The following METTL6 variants were observed in gnomAD, a reference collection of about 807,000 sequenced individuals.
The protein encoded by METTL6 is methyltransferase 6, tRNA N3-cytidine.
A neutral mutation model predicts 26.4 loss-of-function variants in METTL6; 22 were observed. The observed-to-expected ratio is 0.83, with a 90% CI of 0.59 to 1.19. METTL6 has a LOEUF of 1.19. Ranked by LOEUF, METTL6 falls within the 50% of genes most tolerant of loss-of-function variation. The pLI is 0.00. For missense variants in METTL6, 304 were observed against 324.8 expected (o/e 0.94, Z 0.49); for synonymous variants, 109 against 116.2 (o/e 0.94, Z 0.40).
At chr3:15,387,482 G>T (rs772058544) in intron 6 of METTL6, among the ~76,000 whole-genome samples, 4 of 152,200 alleles carry the variant, frequency 2.6e-5, no homozygotes, top group Non-Finnish European at 5.9e-5. Context: ...ATTTTACCCA[G>T]CTCCTATTCA....
At chr3:15,392,390 A>C (rs1386818068) in intron 6 of METTL6, among the ~76,000 whole-genome samples, 12 of 151,806 alleles carry the variant, frequency 7.9e-5, no homozygotes, top group Admixed American at 2.0e-4. Context: ...TAGATTCTGG[A>C]TATTAGCCCT....
At chr3:15,401,694 A>G (rs879685929) in intron 6 of METTL6, among the ~76,000 whole-genome samples, 1 of 152,182 alleles carries the variant, frequency 6.6e-6, no homozygotes, top group Non-Finnish European at 1.5e-5. Flanking sequence ...CTCAAAATAC[A>G]CTAATTATAA....
In METTL6 at chr3:15,410,699, C is replaced by T. The variant is rs1468908999; in HGVS notation, c.*557G>A. Among the ~76,000 whole-genome samples the T allele has an allele frequency of 2.0e-5, 3 of 151,998 alleles. No individual in the cohort carries two copies. The highest frequency in any genetic ancestry group is 6.6e-5 in the Admixed American group (1 of 15,256). ...CCATGGATAAAGCGGGACTACTGTA[C>T]ATGCTCATTAAAAAAAATTAAGGGC... On this transcript the variant is annotated 3_prime_UTR_variant, in exon 6 of 6. Transcript: ENST00000383790.
intron 4 of METTL6, chr3:15,414,891 C>T (rs1234284705): frequency 3.0e-6 from 3 of 1,013,340 alleles, no homozygotes; most frequent in Non-Finnish European, 4.0e-6. Context: ...CACTGCACTC[C>T]AGCCTGAGTG....
chr3:15,384,447 T>C (rs78206791), intron 6 of METTL6: 2 of 168,854 alleles, frequency 1.2e-5, no homozygotes, highest in African/African-American at 2.4e-5. Context: ...AATTAAATAT[T>C]AATGGACAAG....
At chr3:15,426,140 C>A (rs1398374317) in intron 2 of METTL6, 147 bp downstream of exon 2, 9 of 706,240 alleles carry the variant, frequency 1.3e-5, no homozygotes, top group East Asian at 2.7e-5. Flanking sequence ...GGGGTTTCAT[C>A]ATGTTGGCCA....
At chr3:15,414,195 G>C (rs763991767) in intron 4 of METTL6, 33 bp from the exon 5 acceptor site, 1 of 1,583,434 alleles carries the variant, frequency 6.3e-7, no homozygotes, top group Non-Finnish European at 8.6e-7. Flanking sequence ...ACATGACTTT[G>C]GAGAACCCTG....
chr3:15,382,076 G>A (rs1699094037), exon 7 of METTL6: 4 of 150,678 alleles, frequency 2.7e-5, no homozygotes, highest in Admixed American at 2.6e-4. Context: ...TAAGAGTCGG[G>A]GTCTCACTCT....
exon 7 of METTL6, chr3:15,383,227 C>T (rs985178006): frequency 5.3e-5 from 8 of 152,190 alleles, no homozygotes; most frequent in African/African-American, 1.7e-4. Flanking sequence ...AAGGGATCCA[C>T]CAAGGAAAAC....
At chr3:15,406,647 G>GAA (rs1699809038), downstream of METTL6, among the ~76,000 whole-genome samples, 1 of 141,538 alleles carries the variant, frequency 7.1e-6, no homozygotes. Flanking sequence ...GAGAGAGAGA[G>GAA]AGAGAGAGAG....
chr3:15,402,665 C>T (rs571869659), intron 6 of METTL6, among the ~76,000 whole-genome samples: 5 of 143,974 alleles, frequency 3.5e-5, no homozygotes, highest in Admixed American at 7.3e-5. Flanking sequence ...ACCGAGGAGG[C>T]GGAGGTTGCA....
chr3:15,388,882 C>T (rs1699266550), intron 6 of METTL6, among the ~76,000 whole-genome samples: 1 of 152,192 alleles, frequency 6.6e-6, no homozygotes, highest in South Asian at 2.1e-4. Context: ...TGAACAAATA[C>T]AGCTCGGAGG....
intron 5 of METTL6, 65 bp from the exon 6 acceptor site, chr3:15,411,502 G>A (rs1193939919): frequency 6.7e-7 from 1 of 1,488,968 alleles, no homozygotes; most frequent in Non-Finnish European, 9.1e-7. Flanking sequence ...TGCAGTCCTT[G>A]AGGAGGGATA....
intron 6 of METTL6, among the ~76,000 whole-genome samples, chr3:15,389,216 A>G (rs1226642196): frequency 1.3e-5 from 2 of 151,346 alleles, no homozygotes; most frequent in African/African-American, 4.9e-5. Context: ...CTGGTCTCGA[A>G]CTCCTGCCCT....
intron 3 of METTL6, among the ~76,000 whole-genome samples, chr3:15,419,388 A>T (rs2061559708): frequency 6.6e-6 from 1 of 152,224 alleles, no homozygotes; most frequent in Non-Finnish European, 1.5e-5. Flanking sequence ...TTCACTGTTT[A>T]ACTCCAGTGC....
At chr3:15,407,379 T>C (rs1382545409), downstream of METTL6, among the ~76,000 whole-genome samples, 1 of 152,180 alleles carries the variant, frequency 6.6e-6, no homozygotes, top group Non-Finnish European at 1.5e-5. Flanking sequence ...GGTTAGAATT[T>C]GGGGCATAAT....
rs751464134 is a variant in METTL6, at chr3:15,426,291, C to T, written c.221G>A (p.Arg74Lys). Residue 74 changes from arginine to lysine, a missense_variant, in exon 2 of 6, where the codon AGA becomes AAA. Physicochemically the swap from Arg to Lys is conservative, Grantham distance 26. Transcript: ENST00000383790. ...TREFEELRSC[R>K]EFEDQKLTML... ...TAAGGCGTAATATTAGCTTACCTCTCTACATGATCTTAGCTCCTCAAACTC... is the reference window on the plus strand; with the variant it reads ...TAAGGCGTAATATTAGCTTACCTCTTTACATGATCTTAGCTCCTCAAACTC... 6.2e-7 allele frequency: 1 copy of T among 1,613,498 alleles called. No homozygotes were observed. Among genetic ancestry groups the T allele is most frequent in the African/African-American group, 1.3e-5 (1 of 75,024 alleles).
At chr3:15,422,538 T>G (rs1196166579) in intron 3 of METTL6, among the ~76,000 whole-genome samples, 3 of 151,818 alleles carry the variant, frequency 2.0e-5, no homozygotes, top group Non-Finnish European at 4.4e-5. Flanking sequence ...GGCAGGAGGA[T>G]CATTTCAGCT....
At position 15,415,760 on chromosome 3, in the gene METTL6, C is replaced by G; in HGVS notation, c.531+12G>C. The G allele has an allele frequency of 6.2e-7, 1 of 1,612,134 alleles. No homozygotes were observed. Among genetic ancestry groups the G allele is most frequent in the Non-Finnish European group, 8.5e-7 (1 of 1,179,034 alleles). ...CTGTCCAACCCTCAAGTGCAGGCCC[C>G]AAATCACTAACCTTGTAAATGTTTT... On this transcript the variant is annotated intron_variant, in intron 4 of 5. Coordinates refer to ENST00000383790, the MANE Select transcript of METTL6 (RefSeq NM_152396.4).
Sources: gnomAD v4.1 joint callset for allele counts (sites outside exome capture counted in the v4.1 genomes callset) on GRCh38, gnomAD v4.1.1 for gene constraint, MANE v1.5 for transcripts, NCBI Gene and HGNC (gene_info 2026-07-23, HGNC 2026-07-21) for gene names.